The following ARHGAP15 variants were observed in gnomAD, a reference collection of about 807,000 sequenced individuals.
ARHGAP15 encodes Rho GTPase activating protein 15.
ARHGAP15 carries 51 observed loss-of-function variants against 63.7 expected under a neutral mutation model. The ratio of observed to expected loss-of-function variants is 0.80; its 90% CI spans 0.64 to 1.01. ARHGAP15 has a LOEUF of 1.01. ARHGAP15 is among the 50% of genes least tolerant of loss of function. The probability of loss-of-function intolerance (pLI) is 0.00; values close to 1 mark genes in which losing one functional copy is unlikely to be tolerated. For missense variants in ARHGAP15, 560 were observed against 564.6 expected (o/e 0.99, Z 0.08); for synonymous variants, 191 against 193.8 (o/e 0.99, Z 0.12).
chr2:143,439,635 G>A lies in ARHGAP15; in HGVS notation c.703+2593G>A, dbSNP rs559031833. Among the ~76,000 whole-genome samples the A allele has an allele frequency of 4.6e-5, 7 of 151,766 alleles. No homozygotes were observed. The East Asian group carries it at 1.4e-3, about 29-fold the overall frequency. ...TTAATCCTCTCACCAATCCTATGAG[G>A]TAGATACTATTAGTTACCTTATTTT... On this transcript the variant is annotated intron_variant, in intron 8 of 13. Transcript: ENST00000295095.
At chr2:143,664,158 G>T (rs188141459) in intron 12 of ARHGAP15, among the ~76,000 whole-genome samples, 1,975 of 151,988 alleles carry the variant, frequency 0.013, 23 homozygotes, top group Middle Eastern at 0.048. Context: ...ATTGACCACA[G>T]AGTTGGAAGT....
chr2:143,437,778 C>G (rs1479447147), intron 8 of ARHGAP15, among the ~76,000 whole-genome samples: 1 of 152,158 alleles, frequency 6.6e-6, no homozygotes, highest in Non-Finnish European at 1.5e-5. Flanking sequence ...GTAATCCCAG[C>G]ACTTTGGGAG....
chr2:143,504,681 A>G (rs1693222824), intron 9 of ARHGAP15, among the ~76,000 whole-genome samples: 1 of 152,122 alleles, frequency 6.6e-6, no homozygotes, highest in African/African-American at 2.4e-5. Flanking sequence ...GCACAATTTG[A>G]TGAATTACTG....
At chr2:143,149,610 A>G (rs935276516) in intron 1 of ARHGAP15, among the ~76,000 whole-genome samples, 1 of 152,014 alleles carries the variant, frequency 6.6e-6, no homozygotes, top group Admixed American at 6.6e-5. Context: ...ATATTATATG[A>G]ATCTCCAAGC....
intron 1 of ARHGAP15, among the ~76,000 whole-genome samples, chr2:143,144,091 T>A (rs980075660): frequency 6.6e-6 from 1 of 152,068 alleles, no homozygotes; most frequent in Non-Finnish European, 1.5e-5. Flanking sequence ...GCAAAGGACA[T>A]GATCTCATTC....
chr2:143,729,563 C>T (rs1685436831), intron 13 of ARHGAP15, among the ~76,000 whole-genome samples: 1 of 152,174 alleles, frequency 6.6e-6, no homozygotes, highest in African/African-American at 2.4e-5. Context: ...CAGTGGTGAA[C>T]ATATATTGTT....
intron 12 of ARHGAP15, among the ~76,000 whole-genome samples, chr2:143,630,746 C>T (rs780669052): frequency 6.6e-6 from 1 of 152,100 alleles, no homozygotes; most frequent in Non-Finnish European, 1.5e-5. Flanking sequence ...ATAAGGTGAG[C>T]ATATACTCCT....
intron 6 of ARHGAP15, among the ~76,000 whole-genome samples, chr2:143,417,716 T>C (rs1212135969): frequency 2.6e-5 from 4 of 152,244 alleles, no homozygotes; most frequent in Admixed American, 1.3e-4. Flanking sequence ...TGTCTCTTGC[T>C]GTTCTGCTAC....
chr2:143,630,932 T>C (rs770133327), intron 12 of ARHGAP15, among the ~76,000 whole-genome samples: 8 of 152,082 alleles, frequency 5.3e-5, no homozygotes, highest in Non-Finnish European at 1.2e-4. Flanking sequence ...ACATCTCTGT[T>C]ATTCCCAAAA....
At chr2:143,382,174 ACTAGCTT>A (rs1249291651) in intron 6 of ARHGAP15, among the ~76,000 whole-genome samples, 1 of 144,668 alleles carries the variant, frequency 6.9e-6, no homozygotes, top group Non-Finnish European at 1.5e-5. Context: ...CCTCAGTGTC[ACTAGCTT>A]CCAAAAACTG....
chr2:143,154,148 TC>T (rs1689986398), intron 1 of ARHGAP15, among the ~76,000 whole-genome samples: 1 of 151,938 alleles, frequency 6.6e-6, no homozygotes, highest in Middle Eastern at 3.4e-3. Context: ...TCTCTGATCC[TC>T]ATTTTTTTCT....
At position 143,763,659 on chromosome 2, in the gene ARHGAP15, T is replaced by TGC. The variant is rs1559165932; in HGVS notation, c.1245-4330_1245-4329insGC. 6.7e-5 allele frequency among the ~76,000 whole-genome samples: 10 copies of TGC among 148,684 alleles called. 1 individual carries two copies. The highest frequency in any genetic ancestry group is 2.0e-4 in the African/African-American group (8 of 39,914). The stretch of plus-strand genomic sequence containing the variant: ...CATATATATGCAAATTGCATATATA[T>TGC]AAATTGCATATATATGCAAATTGCA... On this transcript the variant is annotated intron_variant, in intron 13 of 13. Coordinates refer to ENST00000295095, the MANE Select transcript of ARHGAP15 (RefSeq NM_018460.4).
Position 143,198,269 on chromosome 2 carries a change from A to C in ARHGAP15, c.166-3865A>C, listed in dbSNP as rs149894841. Among the ~76,000 whole-genome samples the C allele has an allele frequency of 5.4e-3, 824 of 152,096 alleles. 6 individuals are homozygous for C. The highest frequency in any genetic ancestry group is 0.019 in the African/African-American group (797 of 41,526). ...TAGCATACAATATTATCTTTGTATA[A>C]ATTTCTCAATTTGCATTCTTATTTG... On this transcript the variant is annotated intron_variant, in intron 2 of 13. Coordinates refer to ENST00000295095, the MANE Select transcript of ARHGAP15 (RefSeq NM_018460.4).
chr2:143,309,485 T>C (rs780157308), intron 6 of ARHGAP15, among the ~76,000 whole-genome samples: 9 of 152,114 alleles, frequency 5.9e-5, no homozygotes, highest in Non-Finnish European at 1.0e-4. Context: ...TATACTGATG[T>C]CAATGCCCAC....
At chr2:143,713,027 C>T (rs372596440) in intron 13 of ARHGAP15, among the ~76,000 whole-genome samples, 8 of 152,166 alleles carry the variant, frequency 5.3e-5, no homozygotes, top group East Asian at 3.8e-4. Flanking sequence ...CAAATGGAAT[C>T]GCGTTACTTC....
intron 10 of ARHGAP15, among the ~76,000 whole-genome samples, chr2:143,531,653 T>C (rs1230445972): frequency 6.6e-6 from 1 of 152,210 alleles, no homozygotes; most frequent in Non-Finnish European, 1.5e-5. Flanking sequence ...CCAGCATATG[T>C]TCTAAAAGTT....
At chr2:143,170,496 C>G (rs1461696086) in intron 2 of ARHGAP15, among the ~76,000 whole-genome samples, 2 of 152,088 alleles carry the variant, frequency 1.3e-5, no homozygotes, top group East Asian at 3.9e-4. Context: ...AACCAAAACT[C>G]AAGCTTTCGA....
chr2:143,214,653 T>G lies in ARHGAP15; in HGVS notation c.235-1731T>G, dbSNP rs115509182. Among the ~76,000 whole-genome samples the G allele has an allele frequency of 5.9e-3, 894 of 152,326 alleles. 7 individuals carry two copies. The highest frequency in any genetic ancestry group is 0.02 in the African/African-American group (838 of 41,580). On this transcript the variant is annotated intron_variant, in intron 3 of 13. Transcript: ENST00000295095. ...ACATGGTGAAGTAAAAGAAACTTTC[T>G]GGATATGGAGATAAGTAAAAAACAC...
chr2:143,441,415 T>G (rs947926259), intron 8 of ARHGAP15, among the ~76,000 whole-genome samples: 1 of 152,108 alleles, frequency 6.6e-6, no homozygotes, highest in African/African-American at 2.4e-5. Flanking sequence ...CAGAAAAGCA[T>G]GCCATTCAGA....
Sources: allele counts gnomAD v4.1 joint callset (sites outside exome capture counted in the v4.1 genomes callset), GRCh38; gene constraint gnomAD v4.1.1; transcripts MANE v1.5; gene names NCBI Gene and HGNC (gene_info 2026-07-23, HGNC 2026-07-21).